Variants in ALPK2 observed in about 807,000 individuals in gnomAD.
The protein encoded by ALPK2 is alpha kinase 2.
ALPK2 carries 127 observed loss-of-function variants against 163.1 expected under a neutral mutation model. That is an observed-to-expected ratio of 0.78 (90% CI 0.67 to 0.90). The LOEUF (loss-of-function observed/expected upper bound fraction) is 0.90, where lower values mean the gene tolerates loss of function less well. Ranked by LOEUF, ALPK2 falls within the 40% of genes least tolerant of loss-of-function variation. The pLI is 0.00. For missense variants in ALPK2, 2,360 were observed against 2,589.6 expected, an observed-to-expected ratio of 0.91 and a Z score of 1.92; for synonymous variants, 953 against 959.1, an observed-to-expected ratio of 0.99 and a Z score of 0.12.
intron 4 of ALPK2, among the ~76,000 whole-genome samples, chr18:58,547,294 G>T (rs62096279): frequency 0.16 from 24,909 of 152,134 alleles, 2,432 homozygotes; most frequent in East Asian, 0.32. Context: ...TTAGGGAAAA[G>T]GATACAGCAT....
intron 4 of ALPK2, among the ~76,000 whole-genome samples, chr18:58,565,410 T>C (rs1267447384): frequency 6.6e-6 from 1 of 152,244 alleles, no homozygotes; most frequent in African/African-American, 2.4e-5. Flanking sequence ...ACTGTACTTT[T>C]AATTTTTTTA....
At chr18:58,569,762 C>T (rs2051875551) in intron 4 of ALPK2, among the ~76,000 whole-genome samples, 1 of 152,220 alleles carries the variant, frequency 6.6e-6, no homozygotes, top group Non-Finnish European at 1.5e-5. Flanking sequence ...GTTTGTGTTC[C>T]TCCCTGGGTC....
chr18:58,502,423 G>A lies in ALPK2; in HGVS notation c.6247+1508C>T, dbSNP rs76251332. ...ATTATGTGGCAATGCTGCAATAAGC[G>A]CTTTACTATCTCATTTAATTCTCAA... On this transcript the variant is annotated intron_variant, in intron 11 of 12. Coordinates refer to ENST00000361673, the MANE Select transcript of ALPK2 (RefSeq NM_052947.4). Among the ~76,000 whole-genome samples, 41 of 152,174 alleles carry A rather than the reference G, an allele frequency of 2.7e-4. No homozygotes were observed. In the East Asian group the frequency reaches 7.3e-3, roughly 27 times the overall value.
chr18:58,557,886 C>A (rs1041619774), intron 4 of ALPK2, among the ~76,000 whole-genome samples: 5 of 152,014 alleles, frequency 3.3e-5, no homozygotes, highest in Non-Finnish European at 4.4e-5. Flanking sequence ...AGCTTCCAGG[C>A]TGCAGTGAGC....
At position 58,504,138 on chromosome 18, in the gene ALPK2, T is replaced by C. The variant is rs756334025; in HGVS notation, c.6040A>G (p.Ile2014Val). Residue 2014 changes from isoleucine to valine, a missense_variant, in exon 11 of 13, where the codon ATT becomes GTT. Physicochemically the swap from Ile to Val is conservative, Grantham distance 29 (BLOSUM62 3). Transcript: ENST00000361673. ...TTCTCAGGCCGATGGATAAGAAAAA[T>C]AGGAATGATCCTGGCAGGGAAGAGA... is the stretch of plus-strand genomic sequence containing the variant. The part of the protein sequence containing the change: ...GFGEVPEIIP[I>V]FLIHRPENNI... 4 of 1,613,952 alleles carry C rather than the reference T, an allele frequency of 2.5e-6. No homozygotes were observed. The highest frequency in any genetic ancestry group is 3.3e-5 in the Admixed American group (2 of 60,020).
rs2051938078 is a variant in ALPK2 at position 58,578,885 on chromosome 18, T to C, written c.1891A>G (p.Lys631Glu). The change falls in exon 4 of 13, where the codon AAG (lysine) becomes GAG (glutamate). Residue 631 changes from lysine (K) to glutamate (E), a missense_variant. Physicochemically the swap from Lys to Glu is moderately conservative, Grantham distance 56. Transcript: ENST00000361673. ...SVSKEGNTNC[K>E]GEGMQVNTLF... ...GTATTAACTTGCATGCCTTCTCCCT[T>C]GCAATTTGTGTTGCCTTCTTTGGAG... 6.2e-7 allele frequency: 1 copy of C among 1,614,246 alleles called. No individual in the cohort carries two copies. The highest frequency in any genetic ancestry group is 8.5e-7 in the Non-Finnish European group (1 of 1,180,036).
Position 58,573,613 on chromosome 18 carries a change from CTTTTTTT to C in ALPK2, c.1962+5194_1962+5200del, listed in dbSNP as rs778622176. Among the ~76,000 whole-genome samples the C allele has an allele frequency of 2.3e-4, 12 of 51,742 alleles. No homozygotes were observed. The East Asian group carries it at 9.5e-3, about 41-fold the overall frequency. The allele number at this position is 51,742 out of a possible 152,430, so 33.9% of individuals were successfully genotyped here. A position where few individuals can be genotyped will look rare whatever the true frequency, so the allele number is the denominator to read the frequency against. Reference sequence around the variant, plus strand: ...AGAGGCATGTTGCCATTTTTGTCTTCTTTTTTTTTTTTTTTTTTTTTTTTAGTATTTA... The same window carrying C: ...AGAGGCATGTTGCCATTTTTGTCTTCTTTTTTTTTTTTTTTTTAGTATTTA... On this transcript the variant is annotated intron_variant, in intron 4 of 12. Transcript: ENST00000361673.
chr18:58,601,995 A>C (rs1602236140), intron 3 of ALPK2, among the ~76,000 whole-genome samples: 1 of 151,222 alleles, frequency 6.6e-6, no homozygotes, highest in African/African-American at 2.4e-5. Flanking sequence ...GTAGCACCCC[A>C]CCCCCTCCTG....
intron 10 of ALPK2, among the ~76,000 whole-genome samples, chr18:58,507,360 A>G (rs1245204293): frequency 2.6e-5 from 4 of 152,212 alleles, no homozygotes; most frequent in African/African-American, 9.6e-5. Flanking sequence ...AAAATGCCTC[A>G]AAAATGGCAT....
Position 58,535,148 on chromosome 18 carries a change from C to T in ALPK2, c.5039G>A (p.Cys1680Tyr). The change falls in exon 5 of 13, where the codon TGT becomes TAT. Residue 1680 changes from cysteine to tyrosine, a missense_variant. Coordinates refer to ENST00000361673, the MANE Select transcript of ALPK2 (RefSeq NM_052947.4). ...CTCTCTCTCCCTGGACTTTTTCGCA[C>T]AGCCCAGGGTGCCCTTTTGACATGG... ...QDPCQKGTLGCAKKSREREKS... is the reference protein window; with the variant it reads ...QDPCQKGTLGYAKKSREREKS... 1 of 1,614,074 alleles carries T rather than the reference C, an allele frequency of 6.2e-7. No homozygotes were observed. The highest frequency in any genetic ancestry group is 8.5e-7 in the Non-Finnish European group (1 of 1,180,016).
At chr18:58,559,681 T>C (rs1367778397) in intron 4 of ALPK2, among the ~76,000 whole-genome samples, 1 of 152,188 alleles carries the variant, frequency 6.6e-6, no homozygotes, top group African/African-American at 2.4e-5. Flanking sequence ...TGTGATACTC[T>C]CCACAAAGCT....
At chr18:58,495,555 T>C (rs138542006) in intron 12 of ALPK2, among the ~76,000 whole-genome samples, 1,965 of 152,320 alleles carry the variant, frequency 0.013, 31 homozygotes, top group African/African-American at 0.045. Context: ...ATGTACCACT[T>C]GAAGCTCCCA....
At chr18:58,484,653 AGAATCATTT>A (rs1451788952) in intron 12 of ALPK2, among the ~76,000 whole-genome samples, 4 of 152,350 alleles carry the variant, frequency 2.6e-5, no homozygotes, top group East Asian at 3.9e-4. Context: ...CTGAGACAGG[AGAATCATTT>A]GAATCCAGGA....
intron 3 of ALPK2, among the ~76,000 whole-genome samples, chr18:58,603,664 CT>C (rs2052083528): frequency 6.6e-6 from 1 of 152,210 alleles, no homozygotes; most frequent in Admixed American, 6.5e-5. Context: ...AGATTTTTAT[CT>C]GTTGCTTTGC....
chr18:58,530,775 C>T (rs12456146), intron 5 of ALPK2, among the ~76,000 whole-genome samples: 14,207 of 152,172 alleles, frequency 0.093, 833 homozygotes, highest in Middle Eastern at 0.15. Flanking sequence ...TGCAGCTGAA[C>T]GAGCTCAAAG....
intron 4 of ALPK2, among the ~76,000 whole-genome samples, chr18:58,572,188 T>G (rs908434496): frequency 6.6e-6 from 1 of 152,094 alleles, no homozygotes; most frequent in African/African-American, 2.4e-5. Context: ...AATTAAAAGC[T>G]ACAATGGGAT....
chr18:58,549,673 C>T (rs1490955533), intron 4 of ALPK2, among the ~76,000 whole-genome samples: 1 of 152,206 alleles, frequency 6.6e-6, no homozygotes, highest in African/African-American at 2.4e-5. Context: ...CTCATGGGCC[C>T]CCAATCAGGG....
At position 58,481,566 on chromosome 18, in the gene ALPK2, G is replaced by A. The variant is rs930535111; in HGVS notation, c.*257C>T. 6.0e-6 allele frequency: 3 copies of A among 503,882 alleles called. No homozygotes were observed. Among genetic ancestry groups the A allele is most frequent in the Non-Finnish European group, 1.1e-5 (3 of 279,026 alleles). 31.2% of individuals were successfully genotyped at this position (503,882 alleles called of 1,614,324 possible). On this transcript the variant is annotated 3_prime_UTR_variant, in exon 13 of 13. Transcript: ENST00000361673. ...TGAGGTTGGTAAAAATGCTAAACAT[G>A]TATATAAAGAATGGACTGTCTTTGA...
chr18:58,487,047 G>A (rs1312484191), intron 12 of ALPK2, among the ~76,000 whole-genome samples: 1 of 152,160 alleles, frequency 6.6e-6, no homozygotes, highest in Non-Finnish European at 1.5e-5. Flanking sequence ...GCAGAAACTC[G>A]CTATCCTTTT....
Sources: allele counts gnomAD v4.1 joint callset (sites outside exome capture counted in the v4.1 genomes callset), GRCh38; gene constraint gnomAD v4.1.1; transcripts MANE v1.5; gene names NCBI Gene and HGNC (gene_info 2026-07-23, HGNC 2026-07-21).